The following RPS6KC1 variants were observed in gnomAD, a reference collection of about 807,000 sequenced individuals.
RPS6KC1 encodes ribosomal protein S6 kinase C1.
RPS6KC1 carries 54 observed loss-of-function variants against 103.8 expected under a neutral mutation model. That is an observed-to-expected ratio of 0.52 (90% CI 0.42 to 0.65). The LOEUF (loss-of-function observed/expected upper bound fraction) is 0.65, where lower values mean the gene tolerates loss of function less well. Among genes scored for constraint, RPS6KC1 ranks in the 30% least tolerant of loss-of-function variants. The pLI is 0.00. For missense variants in RPS6KC1, 1,151 were observed against 1,253.8 expected (o/e 0.92, Z 1.24); for synonymous variants, 439 against 438.7 (o/e 1.00, Z -0.01).
intron 11 of RPS6KC1, 91 bp downstream of exon 11, chr1:213,242,388 T>A: frequency 3.5e-6 from 5 of 1,439,590 alleles, no homozygotes; most frequent in Middle Eastern, 1.8e-4. Flanking sequence ...GTATCTTCAT[T>A]TCCTGTCTAG....
chr1:213,288,857 G>A, the RPS6KC1 span, among the ~76,000 whole-genome samples: 2 of 152,140 alleles, frequency 1.3e-5, no homozygotes, highest in Non-Finnish European at 2.9e-5. Context: ...CTGTGCGAAT[G>A]GCAAAGTACC....
At chr1:213,777,375 G>A in the RPS6KC1 span, among the ~76,000 whole-genome samples, 4 of 152,104 alleles carry the variant, frequency 2.6e-5, no homozygotes, top group African/African-American at 4.8e-5. Context: ...TTTCAATATT[G>A]TTGTTTCTTG....
At chr1:213,238,679 G>C (rs904485401) in intron 10 of RPS6KC1, among the ~76,000 whole-genome samples, 5 of 152,150 alleles carry the variant, frequency 3.3e-5, no homozygotes, top group African/African-American at 1.2e-4. Flanking sequence ...GCCTAGGAAT[G>C]AATGAAGCTT....
intron 5 of RPS6KC1, among the ~76,000 whole-genome samples, chr1:213,122,470 A>T (rs1223201434): frequency 1.3e-5 from 2 of 152,214 alleles, no homozygotes; most frequent in Non-Finnish European, 2.9e-5. Context: ...ATCATTTTAA[A>T]TAGGAATATT....
intron 6 of RPS6KC1, among the ~76,000 whole-genome samples, chr1:213,152,255 CG>C (rs1397830393): frequency 1.0e-4 from 15 of 143,884 alleles, no homozygotes; most frequent in Non-Finnish European, 3.1e-5. Flanking sequence ...CCCTCCCGGA[CG>C]GGGCGGCTGG....
the RPS6KC1 span, among the ~76,000 whole-genome samples, chr1:213,738,717 G>A: frequency 5.3e-5 from 8 of 151,708 alleles, no homozygotes; most frequent in Non-Finnish European, 7.4e-5. Context: ...AAATAAGGCC[G>A]GGTGTGGTGT....
the RPS6KC1 span, among the ~76,000 whole-genome samples, chr1:213,655,371 T>C: frequency 3.9e-5 from 6 of 152,222 alleles, no homozygotes; most frequent in African/African-American, 1.4e-4. Flanking sequence ...GTCCCTTAAA[T>C]GTAGGTAAGT....
rs762648443 is a variant in RPS6KC1 at position 213,129,902 on chromosome 1, G to A, written c.835+13G>A. The A allele has an allele frequency of 3.2e-6, 5 of 1,563,354 alleles. No homozygotes were observed. The highest frequency in any genetic ancestry group is 4.3e-6 in the Non-Finnish European group (5 of 1,164,416). On this transcript the variant is annotated intron_variant, in intron 6 of 14. Coordinates refer to ENST00000366960, the MANE Select transcript of RPS6KC1 (RefSeq NM_012424.6). ...GAAGGTGTTCAAGGTATGGTTTTAT[G>A]TATATTATGTTTTGGCATGCTCTTT...
chr1:213,295,745 T>A, the RPS6KC1 span, among the ~76,000 whole-genome samples: 1 of 152,162 alleles, frequency 6.6e-6, no homozygotes, highest in Non-Finnish European at 1.5e-5. Flanking sequence ...GAAAACATTA[T>A]AAGGATATAT....
rs570302559 is a variant in RPS6KC1, at chr1:213,145,903, ATTAAG to A, written c.835+16018_835+16022del. Among the ~76,000 whole-genome samples, 1,498 of 150,160 alleles carry A rather than the reference ATTAAG, an allele frequency of 1.0e-2. 31 individuals carry two copies. Among genetic ancestry groups the A allele is most frequent in the African/African-American group, 0.034 (1,404 of 40,810 alleles). On this transcript the variant is annotated intron_variant, in intron 6 of 14. Coordinates refer to ENST00000366960, the MANE Select transcript of RPS6KC1 (RefSeq NM_012424.6). ...ACGCTATGTTTTTAAAAAATGTACA[ATTAAG>A]TTATTATTGACTATAGTCACCCTGT...
the RPS6KC1 span, among the ~76,000 whole-genome samples, chr1:213,781,957 A>G: frequency 1.1e-4 from 16 of 152,184 alleles, no homozygotes; most frequent in Non-Finnish European, 1.5e-4. Flanking sequence ...CTATATTTAC[A>G]CAGGTTAGAA....
intron 3 of RPS6KC1, among the ~76,000 whole-genome samples, chr1:213,091,202 TGCCAGCCACCAC>T (rs1172268198): frequency 6.6e-6 from 1 of 151,808 alleles, no homozygotes; most frequent in Admixed American, 6.6e-5. Flanking sequence ...GGACTACAGG[TGCCAGCCACCAC>T]GCCCAGCTAA....
the RPS6KC1 span, among the ~76,000 whole-genome samples, chr1:213,453,376 G>A: frequency 6.6e-6 from 1 of 152,106 alleles, no homozygotes; most frequent in Non-Finnish European, 1.5e-5. Flanking sequence ...TGGGAGAGGA[G>A]CAGGCTGTTC....
At chr1:213,120,709 CA>C (rs2084282082) in intron 5 of RPS6KC1, among the ~76,000 whole-genome samples, 1 of 152,220 alleles carries the variant, frequency 6.6e-6, no homozygotes, top group African/African-American at 2.4e-5. Context: ...GGTGGATTGT[CA>C]TTTTTCATAT....
chr1:213,162,277 G>A (rs767865128), intron 6 of RPS6KC1, among the ~76,000 whole-genome samples: 1 of 152,120 alleles, frequency 6.6e-6, no homozygotes, highest in Non-Finnish European at 1.5e-5. Context: ...TCATCACTAA[G>A]AGACTGGCCA....
At chr1:213,858,140 A>G in the RPS6KC1 span, among the ~76,000 whole-genome samples, 1 of 152,240 alleles carries the variant, frequency 6.6e-6, no homozygotes, top group Non-Finnish European at 1.5e-5. Flanking sequence ...TGATAATGAT[A>G]ATAATTGTAA....
At chr1:213,065,768 A>G (rs1167692418) in intron 1 of RPS6KC1, among the ~76,000 whole-genome samples, 2 of 152,198 alleles carry the variant, frequency 1.3e-5, no homozygotes, top group African/African-American at 2.4e-5. Context: ...AGTAGGCACT[A>G]ATATGTGTTG....
the RPS6KC1 span, among the ~76,000 whole-genome samples, chr1:213,327,040 C>CTTTTTTTTTTTT: frequency 7.3e-6 from 1 of 136,842 alleles, no homozygotes. Context: ...TTTTCTTTTT[C>CTTTTTTTTTTTT]TTTTTTTTTT....
At chr1:213,770,124 G>T in the RPS6KC1 span, among the ~76,000 whole-genome samples, 1 of 152,134 alleles carries the variant, frequency 6.6e-6, no homozygotes, top group Non-Finnish European at 1.5e-5. Flanking sequence ...TGCTAAATGG[G>T]TTTTTTAAAA....
Sources: gnomAD v4.1 joint callset for allele counts (sites outside exome capture counted in the v4.1 genomes callset) on GRCh38, gnomAD v4.1.1 for gene constraint, MANE v1.5 for transcripts, NCBI Gene and HGNC (gene_info 2026-07-23, HGNC 2026-07-21) for gene names.